ARHGEF4: variants seen among roughly 807,000 people sequenced by gnomAD.
The protein encoded by ARHGEF4 is APC-stimulated guanine nucleotide exchange factor 1.
Under a neutral mutation model 162.0 loss-of-function variants are expected in ARHGEF4, and 119 were observed. The observed-to-expected ratio is 0.73, with a 90% CI of 0.63 to 0.86. The LOEUF (loss-of-function observed/expected upper bound fraction) is 0.86, where lower values mean the gene tolerates loss of function less well. Ranked by LOEUF, ARHGEF4 falls within the 40% of genes least tolerant of loss-of-function variation. The pLI, the probability that ARHGEF4 is intolerant of heterozygous loss-of-function variation, is 0.00. For missense variants in ARHGEF4, 2,488 were observed against 2,456.0 expected, an observed-to-expected ratio of 1.01 and a Z score of -0.28; for synonymous variants, 1,014 against 979.9, an observed-to-expected ratio of 1.03 and a Z score of -0.65.
intron 3 of ARHGEF4, among the ~76,000 whole-genome samples, chr2:130,943,054 C>A (rs1281716426): frequency 6.6e-6 from 1 of 152,116 alleles, no homozygotes; most frequent in Non-Finnish European, 1.5e-5. Flanking sequence ...GATAAAAGTG[C>A]TGAAGTTTCC....
chr2:130,916,119 G>C lies in ARHGEF4; in HGVS notation c.2173G>C (p.Glu725Gln). The C allele has an allele frequency of 6.5e-7, 1 of 1,549,898 alleles. No homozygotes were observed. The highest frequency in any genetic ancestry group is 8.7e-7 in the Non-Finnish European group (1 of 1,146,916). Reference protein sequence around the residue: ...RVLVPQAASEETPSTEEPPGE... With the variant: ...RVLVPQAASEQTPSTEEPPGE... The stretch of plus-strand genomic sequence containing the variant: ...GCTGGTCCCCCAAGCTGCTTCGGAA[G>C]AGACGCCGAGCACAGAGGAGCCCCC... The change falls in exon 2 of 14, where the codon GAG (glutamate) becomes CAG (glutamine). Residue 725 changes from glutamate to glutamine, a missense_variant. Physicochemically the swap from Glu to Gln is conservative, Grantham distance 29. Coordinates refer to ENST00000409359, the MANE Select transcript of ARHGEF4 (RefSeq NM_001367493.1).
chr2:130,950,420 G>C (rs1325283668), intron 4 of ARHGEF4, among the ~76,000 whole-genome samples: 2 of 152,182 alleles, frequency 1.3e-5, no homozygotes, highest in Non-Finnish European at 2.9e-5. Flanking sequence ...GGTTGGCTGG[G>C]TTTTACCAGG....
At chr2:130,982,510 GC>G (rs1442713959) in intron 4 of ARHGEF4, among the ~76,000 whole-genome samples, 1 of 151,950 alleles carries the variant, frequency 6.6e-6, no homozygotes, top group East Asian at 1.9e-4. Context: ...TCCATGACAT[GC>G]CTGGGCTTTC....
intron 1 of ARHGEF4, among the ~76,000 whole-genome samples, chr2:130,903,892 T>C (rs1680660357): frequency 6.6e-6 from 1 of 152,252 alleles, no homozygotes; most frequent in Admixed American, 6.5e-5. Flanking sequence ...CTCCATGGCA[T>C]ATATGTACCA....
chr2:131,037,035 T>C lies in ARHGEF4; in HGVS notation c.4126-1818T>C, dbSNP rs1374104318. Among the ~76,000 whole-genome samples, 3 of 152,140 alleles carry C rather than the reference T, an allele frequency of 2.0e-5. No individual in the cohort carries two copies. In the East Asian group the frequency reaches 5.8e-4, roughly 29 times the overall value. ...TCTGGAGGCCACCTGCAGAAGGTCT[T>C]TGTGGCTGGGAATGAGAGCAGTGGC... is the stretch of plus-strand genomic sequence containing the variant. On this transcript the variant is annotated intron_variant, in intron 5 of 13. Transcript: ENST00000409359.
In ARHGEF4 at chr2:131,007,800, C is replaced by CTTTTTTTTT. The variant is rs70994731; in HGVS notation, c.3986-20125_3986-20117dup. 8.1e-3 allele frequency among the ~76,000 whole-genome samples: 456 copies of CTTTTTTTTT among 55,986 alleles called. 9 individuals carry two copies. The highest frequency in any genetic ancestry group is 9.3e-3 in the Non-Finnish European group (289 of 31,240). The allele number at this position is 55,986 out of a possible 152,430, so 36.7% of individuals were successfully genotyped here. A position where few individuals can be genotyped will look rare whatever the true frequency, so the allele number is the denominator to read the frequency against. Reference sequence around the variant, plus strand: ...TAAAGCTAAATTATTCTTTTCTTTTCTTTTTTTTTTTTTTTTTTTTTTTTT... The same window carrying CTTTTTTTTT: ...TAAAGCTAAATTATTCTTTTCTTTTCTTTTTTTTTTTTTTTTTTTTTTTTTTTTTTTTTT... On this transcript the variant is annotated intron_variant, in intron 4 of 13. Coordinates refer to ENST00000409359, the MANE Select transcript of ARHGEF4 (RefSeq NM_001367493.1).
chr2:130,920,797 A>G (rs1681826862), intron 2 of ARHGEF4, among the ~76,000 whole-genome samples: 1 of 152,224 alleles, frequency 6.6e-6, no homozygotes, highest in African/African-American at 2.4e-5. Context: ...AGTTTTATAT[A>G]TGTAACATAG....
At chr2:131,031,813 T>C (rs2105377214) in intron 5 of ARHGEF4, among the ~76,000 whole-genome samples, 1 of 152,246 alleles carries the variant, frequency 6.6e-6, no homozygotes, top group East Asian at 1.9e-4. Flanking sequence ...CCCTTGACTC[T>C]CTTGGGCTGC....
intron 4 of ARHGEF4, among the ~76,000 whole-genome samples, chr2:130,967,337 C>G (rs994154246): frequency 2.0e-5 from 3 of 152,210 alleles, no homozygotes; most frequent in African/African-American, 7.2e-5. Flanking sequence ...CCCCGCTGTT[C>G]TCATCTCCCC....
At chr2:131,035,188 G>C in intron 5 of ARHGEF4, 1 of 1,222,886 alleles carries the variant, frequency 8.2e-7, no homozygotes, top group Non-Finnish European at 1.0e-6. Context: ...CGCCCAGCGC[G>C]TGGTGGTCTC....
At chr2:131,045,630 T>C in intron 13 of ARHGEF4, 184 bp downstream of exon 13, 1 of 1,539,124 alleles carries the variant, frequency 6.5e-7, no homozygotes, top group Non-Finnish European at 8.8e-7. Flanking sequence ...TGGGTCAGTA[T>C]ATGGTTGACA....
intron 6 of ARHGEF4, 99 bp downstream of exon 6, chr2:131,039,131 T>A (rs1417654542): frequency 7.2e-7 from 1 of 1,397,406 alleles, no homozygotes; most frequent in Non-Finnish European, 9.5e-7. Context: ...GCATCCTAGG[T>A]GCAGAGCACT....
chr2:130,984,572 C>T (rs1366910652), intron 4 of ARHGEF4, among the ~76,000 whole-genome samples: 2 of 151,928 alleles, frequency 1.3e-5, no homozygotes, highest in African/African-American at 4.8e-5. Context: ...GCCTGTAATC[C>T]CAGCTACTCG....
chr2:130,886,527 A>G (rs1413440686), intron 1 of ARHGEF4, among the ~76,000 whole-genome samples: 1 of 151,760 alleles, frequency 6.6e-6, no homozygotes, highest in Non-Finnish European at 1.5e-5. Flanking sequence ...AAAATACAAA[A>G]AAAATTAGCC....
intron 4 of ARHGEF4, among the ~76,000 whole-genome samples, chr2:131,009,650 T>TG (rs1688330269): frequency 3.9e-5 from 6 of 152,338 alleles, no homozygotes; most frequent in African/African-American, 1.4e-4. Flanking sequence ...GTAAATATTT[T>TG]TATTTTGATA....
intron 4 of ARHGEF4, among the ~76,000 whole-genome samples, chr2:130,992,587 T>G (rs1464068222): frequency 4.0e-5 from 6 of 151,478 alleles, no homozygotes; most frequent in Non-Finnish European, 7.4e-5. Context: ...TATCCGACCA[T>G]CAGAAGGAAC....
intron 1 of ARHGEF4, among the ~76,000 whole-genome samples, chr2:130,897,389 C>T (rs1680223709): frequency 6.6e-6 from 1 of 152,182 alleles, no homozygotes; most frequent in African/African-American, 2.4e-5. Flanking sequence ...TGTGCTTCCG[C>T]GGAGCTGAGA....
At chr2:130,996,257 C>T (rs1687384015) in intron 4 of ARHGEF4, among the ~76,000 whole-genome samples, 1 of 152,230 alleles carries the variant, frequency 6.6e-6, no homozygotes, top group Non-Finnish European at 1.5e-5. Context: ...CAAGGCAGCC[C>T]TGCACACTCG....
chr2:130,956,135 GC>G (rs1684256150), intron 4 of ARHGEF4, among the ~76,000 whole-genome samples: 3 of 152,180 alleles, frequency 2.0e-5, no homozygotes, highest in Admixed American at 1.3e-4. Flanking sequence ...CTATCAGTCT[GC>G]CCCTACTGGG....
Sources: gnomAD v4.1 joint callset for allele counts (sites outside exome capture counted in the v4.1 genomes callset) on GRCh38, gnomAD v4.1.1 for gene constraint, MANE v1.5 for transcripts, NCBI Gene and HGNC (gene_info 2026-07-23, HGNC 2026-07-21) for gene names.